The following TAFA1 variants were observed in gnomAD, a reference collection of about 807,000 sequenced individuals.
TAFA1 encodes TAFA chemokine like family member 1.
In TAFA1, 4 loss-of-function variants were observed where a neutral mutation model predicts 18.5. The observed-to-expected ratio is 0.22, with a 90% confidence interval of 0.11 to 0.49. The LOEUF (loss-of-function observed/expected upper bound fraction) is 0.49. TAFA1 is among the 20% of genes least tolerant of loss of function. TAFA1 has a pLI of 0.98. For synonymous variants in TAFA1, 56 were observed against 55.2 expected (o/e 1.01, Z -0.06); for missense variants, 147 against 169.0 (o/e 0.87, Z 0.72).
At chr3:68,261,930 C>CA (rs11432701) in intron 2 of TAFA1, among the ~76,000 whole-genome samples, 72,322 of 148,670 alleles carry the variant, frequency 0.49, 18,625 homozygotes, top group East Asian at 0.67. Context: ...AATAAAATTA[C>CA]AAAAAAAAGA....
At chr3:68,523,595 T>C (rs1183082566) in intron 3 of TAFA1, among the ~76,000 whole-genome samples, 3 of 152,200 alleles carry the variant, frequency 2.0e-5, no homozygotes, top group East Asian at 3.9e-4. Flanking sequence ...AAATATAGTA[T>C]CTGAATTTGA....
intron 3 of TAFA1, among the ~76,000 whole-genome samples, chr3:68,522,893 T>A (rs1218865116): frequency 6.6e-6 from 1 of 151,956 alleles, no homozygotes; most frequent in East Asian, 1.9e-4. Flanking sequence ...CTGGCCAACA[T>A]GGTGAAACCC....
At chr3:68,502,429 C>T (rs751211014) in intron 3 of TAFA1, among the ~76,000 whole-genome samples, 7 of 152,014 alleles carry the variant, frequency 4.6e-5, no homozygotes, top group Admixed American at 2.0e-4. Flanking sequence ...CTATTTTGGG[C>T]ATTAATATCC....
At chr3:68,389,260 T>C (rs1448573942) in intron 2 of TAFA1, among the ~76,000 whole-genome samples, 3 of 152,208 alleles carry the variant, frequency 2.0e-5, no homozygotes, top group Non-Finnish European at 4.4e-5. Context: ...TGACAGGGCT[T>C]TCTAGGCTCA....
At chr3:68,421,393 T>G (rs1488007213) in intron 3 of TAFA1, among the ~76,000 whole-genome samples, 1 of 152,166 alleles carries the variant, frequency 6.6e-6, no homozygotes, top group East Asian at 1.9e-4. Flanking sequence ...GTCTATTGTG[T>G]TGCTATGATC....
intron 2 of TAFA1, among the ~76,000 whole-genome samples, chr3:68,383,832 A>G (rs1441564777): frequency 6.6e-6 from 1 of 152,078 alleles, no homozygotes; most frequent in Non-Finnish European, 1.5e-5. Context: ...TTGGTAGGCC[A>G]TTAATTACTG....
chr3:68,231,203 T>G (rs1389644223), intron 2 of TAFA1, among the ~76,000 whole-genome samples: 1 of 152,194 alleles, frequency 6.6e-6, no homozygotes, highest in African/African-American at 2.4e-5. Flanking sequence ...TGACATTTTA[T>G]TATAAACATT....
intron 2 of TAFA1, among the ~76,000 whole-genome samples, chr3:68,411,887 T>C (rs1420769147): frequency 1.3e-5 from 2 of 152,184 alleles, no homozygotes. Context: ...TCTGTTACAA[T>C]GTAAACTTTG....
At chr3:68,478,057 A>C (rs927397048) in intron 3 of TAFA1, among the ~76,000 whole-genome samples, 1 of 152,232 alleles carries the variant, frequency 6.6e-6, no homozygotes, top group Non-Finnish European at 1.5e-5. Context: ...TGAAATTTAG[A>C]GCAAAAAGGA....
chr3:68,532,774 G>C (rs2073209554), intron 3 of TAFA1, among the ~76,000 whole-genome samples: 1 of 151,962 alleles, frequency 6.6e-6, no homozygotes, highest in South Asian at 2.1e-4. Flanking sequence ...TTTGGGTGAA[G>C]AGGAGGCAAT....
chr3:68,016,848 T>G (rs1413736426), intron 2 of TAFA1, among the ~76,000 whole-genome samples: 1 of 152,216 alleles, frequency 6.6e-6, no homozygotes, highest in East Asian at 1.9e-4. Flanking sequence ...AGGGCATCAT[T>G]TTATAATATA....
chr3:68,281,467 C>CTT lies in TAFA1; in HGVS notation c.119-135794_119-135793dup, dbSNP rs10713944. ...GCTGGGCACCAGTTTCCACATTAAC[C>CTT]TTTTTTTTTTTTTTTTTTTTGAGAT... is the stretch of plus-strand genomic sequence containing the variant. On this transcript the variant is annotated intron_variant, in intron 2 of 4. Transcript: ENST00000478136. Among the ~76,000 whole-genome samples, 494 of 111,704 alleles carry CTT rather than the reference C, an allele frequency of 4.4e-3. 5 individuals are homozygous for CTT. The highest frequency in any genetic ancestry group is 0.034 in the East Asian group (124 of 3,662). 73.3% of individuals were successfully genotyped at this position (111,704 alleles called of 152,430 possible).
chr3:68,481,589 A>C (rs1335134237), intron 3 of TAFA1, among the ~76,000 whole-genome samples: 1 of 152,208 alleles, frequency 6.6e-6, no homozygotes, highest in East Asian at 1.9e-4. Flanking sequence ...AGCTTGCTTA[A>C]CATTACTGAA....
intron 2 of TAFA1, among the ~76,000 whole-genome samples, chr3:68,214,866 G>A (rs74322638): frequency 0.095 from 14,389 of 151,720 alleles, 999 homozygotes; most frequent in Admixed American, 0.19. Context: ...TTTTTAAGTG[G>A]GAAGAAAAGA....
At chr3:68,481,568 T>C (rs1397395055) in intron 3 of TAFA1, among the ~76,000 whole-genome samples, 1 of 152,152 alleles carries the variant, frequency 6.6e-6, no homozygotes, top group Non-Finnish European at 1.5e-5. Flanking sequence ...ACTCACTACT[T>C]CTCCTTGAAC....
At chr3:68,518,268 G>A (rs1204345102) in intron 3 of TAFA1, among the ~76,000 whole-genome samples, 4 of 141,192 alleles carry the variant, frequency 2.8e-5, no homozygotes, top group African/African-American at 7.6e-5. Context: ...AGATTATTAT[G>A]AGGCTTAAAT....
intron 2 of TAFA1, among the ~76,000 whole-genome samples, chr3:68,226,199 G>A (rs2066798020): frequency 6.6e-6 from 1 of 152,102 alleles, no homozygotes; most frequent in Non-Finnish European, 1.5e-5. Context: ...AAGGGGTCAG[G>A]GTATAACTGA....
intron 3 of TAFA1, 92 bp from the exon 4 acceptor site, chr3:68,538,664 C>T (rs2073315343): frequency 1.5e-6 from 2 of 1,336,726 alleles, no homozygotes; most frequent in Admixed American, 1.9e-5. Flanking sequence ...TAGTGTGCTT[C>T]CAAGAACGTG....
intron 2 of TAFA1, among the ~76,000 whole-genome samples, chr3:68,207,018 T>C (rs1379583551): frequency 1.3e-5 from 2 of 151,944 alleles, no homozygotes; most frequent in Non-Finnish European, 2.9e-5. Flanking sequence ...CATCAAAAAG[T>C]TCCCTAAATA....
Sources: gnomAD v4.1 joint callset for allele counts (sites outside exome capture counted in the v4.1 genomes callset) on GRCh38, gnomAD v4.1.1 for gene constraint, MANE v1.5 for transcripts, NCBI Gene and HGNC (gene_info 2026-07-23, HGNC 2026-07-21) for gene names.